Variants in NVL observed in about 807,000 individuals in gnomAD.
NVL encodes nuclear valosin-containing protein-like.
Under a neutral mutation model 110.2 loss-of-function variants are expected in NVL, and 84 were observed. The observed-to-expected ratio is 0.76, with a 90% confidence interval of 0.64 to 0.91. The LOEUF (loss-of-function observed/expected upper bound fraction) is 0.91. NVL is among the 40% of genes least tolerant of loss of function. The pLI, the probability that NVL is intolerant of heterozygous loss-of-function variation, is 0.00. For synonymous variants in NVL, 354 were observed against 361.1 expected (o/e 0.98, Z 0.22); for missense variants, 882 against 1,035.9 (o/e 0.85, Z 2.04).
In NVL at chr1:224,294,421, G is replaced by C; in HGVS notation, c.1181-10C>G. ...GCCACATTATTCAGATCTAGTAAGA[G>C]ACAGAGAAAGAGTAGTGAACAAAGC... is the stretch of plus-strand genomic sequence containing the variant. On this transcript the variant is annotated splice_polypyrimidine_tract_variant and intron_variant, in intron 11 of 22. Transcript: ENST00000281701. 6.2e-7 allele frequency: 1 copy of C among 1,613,608 alleles called. No individual in the cohort carries two copies. Among genetic ancestry groups the C allele is most frequent in the African/African-American group, 1.3e-5 (1 of 75,034 alleles).
intron 18 of NVL, among the ~76,000 whole-genome samples, chr1:224,252,355 A>G (rs2102764552): frequency 6.6e-6 from 1 of 152,102 alleles, no homozygotes; most frequent in East Asian, 1.9e-4. Flanking sequence ...TGACTCCTCC[A>G]CAAAGACCCC....
At chr1:224,291,535 T>C (rs371400521) in intron 12 of NVL, among the ~76,000 whole-genome samples, 1 of 152,166 alleles carries the variant, frequency 6.6e-6, no homozygotes, top group African/African-American at 2.4e-5. Flanking sequence ...TAGAAGCAGA[T>C]AAACATTACT....
At chr1:224,271,192 A>G (rs1453164794) in intron 17 of NVL, among the ~76,000 whole-genome samples, 1 of 152,160 alleles carries the variant, frequency 6.6e-6, no homozygotes, top group African/African-American at 2.4e-5. Context: ...AGACAGAATG[A>G]CCACATTTAT....
chr1:224,313,343 TTAAACA>T (rs772606757), intron 4 of NVL, among the ~76,000 whole-genome samples: 149 of 147,664 alleles, frequency 1.0e-3, no homozygotes, highest in Non-Finnish European at 1.8e-3. Flanking sequence ...GATTAAAGAG[TTAAACA>T]TAAAGAAAGA....
chr1:224,248,103 T>C (rs1430209997), intron 19 of NVL, among the ~76,000 whole-genome samples: 2 of 152,194 alleles, frequency 1.3e-5, no homozygotes, highest in Non-Finnish European at 2.9e-5. Flanking sequence ...TTCCACTTGA[T>C]AGTGCCCAGG....
intron 22 of NVL, among the ~76,000 whole-genome samples, chr1:224,229,152 C>T (rs967652175): frequency 3.4e-5 from 5 of 148,332 alleles, no homozygotes; most frequent in African/African-American, 5.0e-5. Context: ...AAAAATTAGC[C>T]GGGTGTGGTG....
In NVL at chr1:224,286,120, C is replaced by A. The variant is rs753106429; in HGVS notation, c.1805G>T (p.Arg602Leu). The change falls in exon 15 of 23, where the codon CGC (arginine) becomes CTC (leucine). Residue 602 changes from arginine (R) to leucine (L), a missense_variant. By Grantham distance (102) the Arg-to-Leu change is moderately radical. Coordinates refer to ENST00000281701, the MANE Select transcript of NVL (RefSeq NM_002533.4). ...AAGAGCTTTGAACTGGTCTGGGTTG[C>A]GTACTGGTGCCTGGAAATAATGATA... Reference protein sequence around the residue: ...ELTMAILAPVRNPDQFKALGL... With the variant: ...ELTMAILAPVLNPDQFKALGL... 1 of 1,612,832 alleles carries A rather than the reference C, an allele frequency of 6.2e-7. No individual in the cohort carries two copies. The highest frequency in any genetic ancestry group is 8.5e-7 in the Non-Finnish European group (1 of 1,179,080).
intron 15 of NVL, among the ~76,000 whole-genome samples, chr1:224,285,477 A>G (rs1172351975): frequency 1.3e-5 from 2 of 152,124 alleles, no homozygotes; most frequent in Non-Finnish European, 2.9e-5. Context: ...ATTTGTAAAC[A>G]TGCATGTAAA....
At chr1:224,272,521 C>T (rs559542643) in intron 17 of NVL, among the ~76,000 whole-genome samples, 4 of 151,102 alleles carry the variant, frequency 2.6e-5, no homozygotes, top group African/African-American at 9.8e-5. Context: ...AGTTCAAGAC[C>T]AGCCTGGCCA....
At chr1:224,315,352 C>T (rs1669964624) in intron 4 of NVL, among the ~76,000 whole-genome samples, 1 of 152,082 alleles carries the variant, frequency 6.6e-6, no homozygotes, top group Non-Finnish European at 1.5e-5. Flanking sequence ...TACTGGGAAC[C>T]AATGTAATTC....
At chr1:224,279,055 T>C (rs1205240361) in intron 16 of NVL, among the ~76,000 whole-genome samples, 1 of 152,076 alleles carries the variant, frequency 6.6e-6, no homozygotes, top group Non-Finnish European at 1.5e-5. Context: ...GTGCACATAC[T>C]CTAAGATTCA....
chr1:224,308,169 G>A lies in NVL; in HGVS notation c.437C>T (p.Thr146Ile). The change falls in exon 6 of 23, where the codon ACC becomes ATC. Residue 146 changes from threonine to isoleucine, a missense_variant. Transcript: ENST00000281701. ...ACTTATCCGTGGTGTTGAAGAGGTG[G>A]TTTCTCTTTGCTCCATCTCAGGAGT... ...SNTPEMEQRE[T>I]TSSTPRISSK... is the part of the protein sequence containing the mutation. 12 of 1,614,058 alleles carry A rather than the reference G, an allele frequency of 7.4e-6. No individual in the cohort carries two copies. Among genetic ancestry groups the A allele is most frequent in the Non-Finnish European group, 9.3e-6 (11 of 1,179,990 alleles).
intron 19 of NVL, among the ~76,000 whole-genome samples, chr1:224,240,822 G>A (rs1284075629): frequency 4.4e-5 from 5 of 113,168 alleles, no homozygotes; most frequent in African/African-American, 7.0e-5. Flanking sequence ...ACAGAGTCTC[G>A]CCCTGTGGCC....
intron 4 of NVL, chr1:224,313,209 ATCAGCAT>A (rs1669723702): frequency 5.0e-6 from 1 of 199,810 alleles, no homozygotes; most frequent in Non-Finnish European, 1.1e-5. Context: ...ATTAAAATTA[ATCAGCAT>A]TACTTGGGAG....
chr1:224,234,552 G>A (rs1660260010), intron 20 of NVL, among the ~76,000 whole-genome samples: 1 of 151,674 alleles, frequency 6.6e-6, no homozygotes, highest in Non-Finnish European at 1.5e-5. Flanking sequence ...TCCTGGGTAT[G>A]AGTGATTCTC....
chr1:224,273,799 G>C (rs1430590393), intron 17 of NVL, among the ~76,000 whole-genome samples: 1 of 152,130 alleles, frequency 6.6e-6, no homozygotes, highest in African/African-American at 2.4e-5. Context: ...ATATGACTGG[G>C]GAACCTGGGA....
chr1:224,263,783 C>T (rs1664211641), intron 18 of NVL, among the ~76,000 whole-genome samples: 1 of 152,162 alleles, frequency 6.6e-6, no homozygotes, highest in African/African-American at 2.4e-5. Context: ...TTATAGACTG[C>T]TTCTTAAACA....
chr1:224,300,983 T>C (rs527380684), intron 9 of NVL, among the ~76,000 whole-genome samples: 14 of 151,982 alleles, frequency 9.2e-5, no homozygotes, highest in South Asian at 2.1e-4. Flanking sequence ...TGCATGCCTA[T>C]AATCCCAGCT....
chr1:224,257,219 T>C (rs1663377075), intron 18 of NVL: 3 of 445,144 alleles, frequency 6.7e-6, no homozygotes, highest in South Asian at 5.5e-5. Flanking sequence ...ACAAATGAGA[T>C]GGTTGCCTGA....
Sources: gnomAD v4.1 joint callset for allele counts (sites outside exome capture counted in the v4.1 genomes callset) on GRCh38, gnomAD v4.1.1 for gene constraint, MANE v1.5 for transcripts, NCBI Gene and HGNC (gene_info 2026-07-23, HGNC 2026-07-21) for gene names.